Variants in ELANE observed in about 807,000 individuals in gnomAD.
The protein encoded by ELANE is elastase, neutrophil expressed, also known as neutrophil elastase.
A neutral mutation model predicts 20.6 loss-of-function variants in ELANE; 12 were observed. The observed-to-expected ratio is 0.58, with a 90% CI of 0.37 to 0.94. The LOEUF is 0.94. ELANE is among the 40% of genes least tolerant of loss of function. The pLI is 0.01. For missense variants in ELANE, 388 were observed against 395.2 expected (o/e 0.98, Z 0.15); for synonymous variants, 203 against 177.4 (o/e 1.14, Z -1.15).
intron 3 of ELANE, among the ~76,000 whole-genome samples, chr19:854,217 G>C (rs1007315983): frequency 6.6e-6 from 1 of 152,116 alleles, no homozygotes; most frequent in Non-Finnish European, 1.5e-5. Flanking sequence ...GCTGAGGCGG[G>C]TGGATCACGA....
chr19:856,116 C>T lies in ELANE; in HGVS notation c.756C>T (p.Asn252=), dbSNP rs2035678048. 1.9e-6 allele frequency: 3 copies of T among 1,613,000 alleles called. No homozygotes were observed. The highest frequency in any genetic ancestry group is 1.3e-5 in the African/African-American group (1 of 74,922). The part of the protein sequence containing the change: ...IDSIIQRSED[N]PCPHPRDPDP... Reference sequence around the variant, plus strand: ...CTATCATCCAACGCTCCGAGGACAACCCCTGTCCCCACCCCCGGGACCCGG... The same window carrying T: ...CTATCATCCAACGCTCCGAGGACAATCCCTGTCCCCACCCCCGGGACCCGG... Residue 252 remains asparagine, a synonymous_variant, in exon 5 of 5, where the codon AAC becomes AAT. Coordinates refer to ENST00000263621, the MANE Select transcript of ELANE (RefSeq NM_001972.4).
intron 2 of ELANE, 26 bp from the exon 3 acceptor site, chr19:853,236 G>A (rs754000264): frequency 6.4e-7 from 1 of 1,570,030 alleles, no homozygotes. Context: ...GGCCGCCCCT[G>A]AGCCCCGCCT....
At chr19:852,774 G>C in intron 1 of ELANE, 102 bp from the exon 2 acceptor site, 3 of 1,465,174 alleles carry the variant, frequency 2.0e-6, no homozygotes, top group Non-Finnish European at 2.7e-6. Context: ...GTTCCCGGTG[G>C]GGGATCCCGT....
chr19:853,426 G>A, intron 3 of ELANE, 23 bp downstream of exon 3: 1 of 1,577,538 alleles, frequency 6.3e-7, no homozygotes, highest in Non-Finnish European at 8.6e-7. Context: ...GGGGCGGGGG[G>A]CGCAGGGGCG....
At position 853,025 on chromosome 19, in the gene ELANE, G is replaced by A. The variant is rs201421847; in HGVS notation, c.217G>A (p.Ala73Thr). 72 of 1,561,966 alleles carry A rather than the reference G, an allele frequency of 4.6e-5. No individual in the cohort carries two copies. The highest frequency in any genetic ancestry group is 4.6e-4 in the Admixed American group (25 of 54,404). The change falls in exon 2 of 5, where the codon GCG (alanine) becomes ACG (threonine). Residue 73 changes from alanine to threonine, a missense_variant. By Grantham distance (58) the Ala-to-Thr change is moderately conservative (BLOSUM62 0). Around this residue, in one of 3 missense-constraint regions of ELANE, gnomAD observed 321 missense variants for 309.8 expected, o/e 1.04. Transcript: ENST00000263621. ...CGTCATGTCGGCCGCGCACTGCGTG[G>A]CGAATGTGTGAGTAGCCGGGAGTGT... ...NFVMSAAHCV[A>T]NVNVRAVRVV...
intron 3 of ELANE, 47 bp downstream of exon 3, chr19:853,450 T>G: frequency 4.9e-6 from 7 of 1,423,914 alleles, no homozygotes; most frequent in Non-Finnish European, 6.7e-6. Context: ...GCCAGAGGCC[T>G]GGGGAGGGTG....
rs2035659012 is a variant in ELANE at position 855,258 on chromosome 19, T to G, written c.367-306T>G. 6.6e-6 allele frequency among the ~76,000 whole-genome samples: 1 copy of G among 152,168 alleles called. No homozygotes were observed. The highest frequency in any genetic ancestry group is 2.4e-5 in the African/African-American group (1 of 41,442). The stretch of plus-strand genomic sequence containing the variant: ...CTCCTGCCTCGCCCTCCCAAAGTGC[T>G]GGGCTTACAAGCATGAGCCACCGCG... On this transcript the variant is annotated intron_variant, in intron 3 of 4. Transcript: ENST00000263621. The surrounding 1 kb of genome is among the most constrained non-coding windows in gnomAD (Gnocchi z 6.2).
intron 2 of ELANE, 105 bp from the exon 3 acceptor site, chr19:853,157 C>A (rs1378827164): frequency 4.1e-6 from 6 of 1,470,622 alleles, no homozygotes; most frequent in Non-Finnish European, 5.4e-6. Context: ...CGGGGCCCCT[C>A]GAGCACCTTC....
chr19:855,829 G>A lies in ELANE; in HGVS notation c.597+35G>A, dbSNP rs1176672687. ...CTGGGTGTCCCTCTGCTCCCCACCC[G>A]CTCCCAGCCCGGACTGCAGCAACAG... On this transcript the variant is annotated intron_variant, in intron 4 of 4. Transcript: ENST00000263621. This position sits in a 1 kb window ranked among gnomAD's most constrained non-coding sequence, Gnocchi z 6.2. The A allele has an allele frequency of 8.1e-6, 13 of 1,605,714 alleles. No individual in the cohort carries two copies. Among genetic ancestry groups the A allele is most frequent in the South Asian group, 3.3e-5 (3 of 90,904 alleles).
At position 855,937 on chromosome 19, in the gene ELANE, C is replaced by T; in HGVS notation, c.598-21C>T. 1 of 1,612,808 alleles carries T rather than the reference C, an allele frequency of 6.2e-7. No individual in the cohort carries two copies. Among genetic ancestry groups the T allele is most frequent in the Middle Eastern group, 1.7e-4 (1 of 6,008 alleles). On this transcript the variant is annotated intron_variant, in intron 4 of 4. Transcript: ENST00000263621. The surrounding 1 kb of genome is among the most constrained non-coding windows in gnomAD (Gnocchi z 6.2). ...GGCAGGGCCTCGCAGTCCAGCTTCC[C>T]CACCTTGTCTGCCTCCACAGGGGGA...
Position 856,080 on chromosome 19 carries a change from C to T in ELANE, c.720C>T (p.Asn240=). The change falls in exon 5 of 5, where the codon AAC becomes AAT. Residue 240 remains asparagine (N), a synonymous_variant. Coordinates refer to ENST00000263621, the MANE Select transcript of ELANE (RefSeq NM_001972.4). ...TTGCCCCGGTGGCACAGTTTGTAAA[C>T]TGGATCGACTCTATCATCCAACGCT... The part of the protein sequence containing the change: ...DAFAPVAQFV[N]WIDSIIQRSE... 6.2e-7 allele frequency: 1 copy of T among 1,613,420 alleles called. No homozygotes were observed. Among genetic ancestry groups the T allele is most frequent in the Non-Finnish European group, 8.5e-7 (1 of 1,180,012 alleles).
chr19:854,800 AAT>A (rs1568305176), intron 3 of ELANE, among the ~76,000 whole-genome samples: 1 of 146,632 alleles, frequency 6.8e-6, no homozygotes, highest in East Asian at 1.9e-4. Context: ...TAAAATAATA[AAT>A]ATAAAATATA....
rs1221151308 is a variant in ELANE at position 853,052 on chromosome 19, C to G, written c.224+20C>G. The G allele has an allele frequency of 1.3e-6, 2 of 1,540,830 alleles. No individual in the cohort carries two copies. Among genetic ancestry groups the G allele is most frequent in the Non-Finnish European group, 1.7e-6 (2 of 1,149,922 alleles). On this transcript the variant is annotated intron_variant, in intron 2 of 4. Transcript: ENST00000263621. Reference sequence around the variant, plus strand: ...GAATGTGTGAGTAGCCGGGAGTGTGCGCGCCCGGCTCGGACCCCGCGTCCC... The same window carrying G: ...GAATGTGTGAGTAGCCGGGAGTGTGGGCGCCCGGCTCGGACCCCGCGTCCC...
At chr19:853,100 A>AG in intron 2 of ELANE, 68 bp downstream of exon 2, 1 of 907,234 alleles carries the variant, frequency 1.1e-6, no homozygotes, top group Non-Finnish European at 1.5e-6. Flanking sequence ...GGGTGGGGGG[A>AG]GGCCGGGGCC....
chr19:854,593 C>G (rs2035645651), intron 3 of ELANE, among the ~76,000 whole-genome samples: 3 of 150,462 alleles, frequency 2.0e-5, no homozygotes, highest in Admixed American at 1.3e-4. Flanking sequence ...TGGGGGGTAG[C>G]TGGAACCACA....
chr19:855,635 C>A lies in ELANE; in HGVS notation c.438C>A (p.Gly146=), dbSNP rs780466596. ...AQLPAQGRRL[G]NGVQCLAMGW... Reference sequence around the variant, plus strand: ...TGCCGGCTCAGGGACGCCGCCTGGGCAACGGGGTGCAGTGCCTGGCCATGG... The same window carrying A: ...TGCCGGCTCAGGGACGCCGCCTGGGAAACGGGGTGCAGTGCCTGGCCATGG... Residue 146 remains glycine, a synonymous_variant, in exon 4 of 5, where the codon GGC becomes GGA. Transcript: ENST00000263621. This position sits in a 1 kb window ranked among gnomAD's most constrained non-coding sequence, Gnocchi z 6.2. 2 of 1,605,480 alleles carry A rather than the reference C, an allele frequency of 1.2e-6. No individual in the cohort carries two copies. The highest frequency in any genetic ancestry group is 1.1e-5 in the South Asian group (1 of 91,062).
chr19:856,063 G>T lies in ELANE; in HGVS notation c.703G>T (p.Val235Leu). ...SGLYPDAFAP[V>L]AQFVNWIDSI... ...GCTCTACCCCGATGCCTTTGCCCCGGTGGCACAGTTTGTAAACTGGATCGA... is the reference window on the plus strand; with the variant it reads ...GCTCTACCCCGATGCCTTTGCCCCGTTGGCACAGTTTGTAAACTGGATCGA... The change falls in exon 5 of 5, where the codon GTG becomes TTG. Residue 235 changes from valine to leucine, a missense_variant. Physicochemically the swap from Val to Leu is conservative, Grantham distance 32 (BLOSUM62 1). This residue lies in a region of ELANE where 321 missense variants were observed against 309.8 expected (regional missense o/e 1.04). Transcript: ENST00000263621. 1 of 1,613,512 alleles carries T rather than the reference G, an allele frequency of 6.2e-7. No individual in the cohort carries two copies. Among genetic ancestry groups the T allele is most frequent in the East Asian group, 2.2e-5 (1 of 44,880 alleles).
chr19:852,749 T>C (rs1202121901), intron 1 of ELANE, 127 bp from the exon 2 acceptor site: 12 of 1,305,918 alleles, frequency 9.2e-6, no homozygotes, highest in Admixed American at 5.4e-5. Context: ...GGGTTCCCGG[T>C]GGGGGATCCC....
chr19:853,516 G>A (rs1426854516), intron 3 of ELANE, 113 bp downstream of exon 3: 2 of 1,259,072 alleles, frequency 1.6e-6, no homozygotes, highest in African/African-American at 1.5e-5. Flanking sequence ...GGGTGGCATC[G>A]TGGGCTGGGT....
Sources: allele counts gnomAD v4.1 joint callset (sites outside exome capture counted in the v4.1 genomes callset), GRCh38; gene constraint gnomAD v4.1.1; regional missense constraint gnomAD v4.1.1; non-coding constraint Gnocchi (gnomAD v3.1); transcripts MANE v1.5; gene names NCBI Gene and HGNC (gene_info 2026-07-23, HGNC 2026-07-21).